The following IL1RL1 variants were observed in gnomAD, a reference collection of about 807,000 sequenced individuals.
The protein encoded by IL1RL1 is interleukin 1 receptor like 1.
IL1RL1 carries 32 observed loss-of-function variants against 50.9 expected under a neutral mutation model. That is an observed-to-expected ratio of 0.63 (90% CI 0.47 to 0.84). The LOEUF (loss-of-function observed/expected upper bound fraction) is 0.84. Among genes scored for constraint, IL1RL1 ranks in the 40% least tolerant of loss-of-function variants. IL1RL1 has a pLI of 0.00. For missense variants in IL1RL1, 773 were observed against 662.9 expected (o/e 1.17, Z -1.82); for synonymous variants, 275 against 236.0 (o/e 1.17, Z -1.51).
At chr2:102,349,829 A>C (rs1559608468) in intron 10 of IL1RL1, among the ~76,000 whole-genome samples, 1 of 152,116 alleles carries the variant, frequency 6.6e-6, no homozygotes. Context: ...CCTTCCCTTC[A>C]TACATTTATG....
intron 1 of IL1RL1, among the ~76,000 whole-genome samples, chr2:102,326,135 C>T (rs186194291): frequency 6.6e-6 from 1 of 152,336 alleles, no homozygotes; most frequent in East Asian, 1.9e-4. Flanking sequence ...GGAAGCCCAT[C>T]AGACTAAAAG....
At chr2:102,352,063 C>T, downstream of IL1RL1, 2 of 849,170 alleles carry the variant, frequency 2.4e-6, no homozygotes, top group Non-Finnish European at 3.5e-6. Context: ...ACTTTCCTTC[C>T]ATTTCCCTGC....
At chr2:102,343,475 T>C (rs1454545713) in intron 8 of IL1RL1, 60 bp downstream of exon 8, 1 of 1,613,640 alleles carries the variant, frequency 6.2e-7, no homozygotes. Flanking sequence ...GTAAGCAGAA[T>C]GGAGTGTGGT....
At chr2:102,347,757 G>T (rs189050502) in intron 8 of IL1RL1, among the ~76,000 whole-genome samples, 188 bp from the exon 9 acceptor site, 1 of 152,198 alleles carries the variant, frequency 6.6e-6, no homozygotes, top group East Asian at 1.9e-4. Context: ...GCCCTATAAT[G>T]CTTAGCCTGA....
chr2:102,328,432 T>C (rs1443593328), intron 1 of IL1RL1, among the ~76,000 whole-genome samples: 1 of 152,190 alleles, frequency 6.6e-6, no homozygotes, highest in Non-Finnish European at 1.5e-5. Context: ...AGCATTCCCT[T>C]TGAAAACTGG....
intron 5 of IL1RL1, 97 bp from the exon 6 acceptor site, chr2:102,342,126 C>A: frequency 4.2e-6 from 3 of 710,696 alleles, no homozygotes; most frequent in Non-Finnish European, 4.6e-6. Flanking sequence ...ACTTGAAAAA[C>A]ATTGCTATGA....
chr2:102,348,233 T>C (rs868394910), intron 9 of IL1RL1, 142 bp downstream of exon 9: 4 of 665,214 alleles, frequency 6.0e-6, no homozygotes, highest in South Asian at 6.0e-5. Context: ...TGAGTTGTGT[T>C]TTTGGATTTT....
At chr2:102,327,898 G>A (rs889122567) in intron 1 of IL1RL1, among the ~76,000 whole-genome samples, 1 of 152,092 alleles carries the variant, frequency 6.6e-6, no homozygotes, top group African/African-American at 2.4e-5. Flanking sequence ...AGGACCAGAT[G>A]GATTCACAGC....
At chr2:102,316,411 C>T (rs1305477745) in intron 1 of IL1RL1, among the ~76,000 whole-genome samples, 1 of 152,178 alleles carries the variant, frequency 6.6e-6, no homozygotes, top group East Asian at 1.9e-4. Context: ...TCTTGGTGAA[C>T]CTGAGGAAAT....
At position 102,351,639 on chromosome 2, in the gene IL1RL1, G is replaced by C. The variant is rs973492582; in HGVS notation, c.1389G>C (p.Glu463Asp). Reference protein sequence around the residue: ...THNKEFAYEQEVALHCALIQN... With the variant: ...THNKEFAYEQDVALHCALIQN... ...ATAAGGAGTTTGCCTACGAGCAGGA[G>C]GTTGCCCTGCACTGTGCCCTCATCC... The change falls in exon 11 of 11, where the codon GAG becomes GAC. Residue 463 changes from glutamate to aspartate, a missense_variant. Coordinates refer to ENST00000233954, the MANE Select transcript of IL1RL1 (RefSeq NM_016232.5). 2 of 1,614,114 alleles carry C rather than the reference G, an allele frequency of 1.2e-6. No homozygotes were observed. The highest frequency in any genetic ancestry group is 1.7e-5 in the Admixed American group (1 of 60,010).
At chr2:102,345,156 T>G in intron 8 of IL1RL1, 1 of 922,150 alleles carries the variant, frequency 1.1e-6, no homozygotes, top group Non-Finnish European at 1.3e-6. Flanking sequence ...ATTGTGCTTT[T>G]TATCATCACT....
intron 1 of IL1RL1, among the ~76,000 whole-genome samples, chr2:102,323,871 T>G (rs1160812909): frequency 2.0e-5 from 3 of 152,182 alleles, no homozygotes; most frequent in Non-Finnish European, 2.9e-5. Context: ...TTATAAGTAA[T>G]TGCTACCCTT....
intron 3 of IL1RL1, among the ~76,000 whole-genome samples, chr2:102,339,776 C>G (rs1043832717): frequency 1.3e-5 from 2 of 152,180 alleles, no homozygotes; most frequent in African/African-American, 4.8e-5. Flanking sequence ...TGCTCATCAT[C>G]ATCACTGGTA....
intron 1 of IL1RL1, among the ~76,000 whole-genome samples, chr2:102,328,400 T>C (rs887695276): frequency 6.6e-6 from 1 of 152,160 alleles, no homozygotes; most frequent in African/African-American, 2.4e-5. Flanking sequence ...GCCAATATCA[T>C]ACTGAATGGG....
chr2:102,325,407 CAG>C (rs568284143), intron 1 of IL1RL1, among the ~76,000 whole-genome samples: 2,750 of 152,242 alleles, frequency 0.018, 57 homozygotes, highest in Non-Finnish European at 0.022. Flanking sequence ...GGGGAAAAAA[CAG>C]AGCAGAAAAA....
downstream of IL1RL1, among the ~76,000 whole-genome samples, chr2:102,352,264 A>G (rs1242989934): frequency 6.7e-6 from 1 of 149,532 alleles, no homozygotes; most frequent in Non-Finnish European, 1.5e-5. Flanking sequence ...CTGAATAGCA[A>G]ACTAATCATT....
At chr2:102,343,875 A>C (rs1181898048) in intron 8 of IL1RL1, 1 of 999,694 alleles carries the variant, frequency 1.0e-6, no homozygotes, top group Non-Finnish European at 1.2e-6. Context: ...TAAAGTGAAC[A>C]AAAAGGGGAA....
intron 8 of IL1RL1, chr2:102,345,973 T>C: frequency 1.0e-6 from 1 of 985,414 alleles, no homozygotes; most frequent in Non-Finnish European, 1.2e-6. Context: ...ATTATCTTCG[T>C]GTTACAGGTG....
At position 102,351,784 on chromosome 2, in the gene IL1RL1, T is replaced by G. The variant is rs1404323308; in HGVS notation, c.1534T>G (p.Trp512Gly). The G allele has an allele frequency of 6.2e-7, 1 of 1,613,996 alleles. No homozygotes were observed. The highest frequency in any genetic ancestry group is 8.5e-7 in the Non-Finnish European group (1 of 1,179,978). The change falls in exon 11 of 11, where the codon TGG becomes GGG. Residue 512 changes from tryptophan to glycine, a missense_variant. Transcript: ENST00000233954. ...HLMKVQGTIK[W>G]REDHIANKRS... ...TATGAAAGTACAGGGGACCATCAAGTGGAGGGAGGACCACATTGCCAATAA... is the reference window on the plus strand; with the variant it reads ...TATGAAAGTACAGGGGACCATCAAGGGGAGGGAGGACCACATTGCCAATAA...
Sources: allele counts gnomAD v4.1 joint callset (sites outside exome capture counted in the v4.1 genomes callset), GRCh38; gene constraint gnomAD v4.1.1; transcripts MANE v1.5; gene names NCBI Gene and HGNC (gene_info 2026-07-23, HGNC 2026-07-21).